The following MACF1 variants were observed in gnomAD, a reference collection of about 807,000 sequenced individuals.
MACF1 encodes the protein microtubule-actin cross-linking factor 1.
MACF1 carries 193 observed loss-of-function variants against 854.8 expected under a neutral mutation model. The observed-to-expected ratio is 0.23, with a 90% CI of 0.20 to 0.25. The LOEUF is 0.25. Among genes scored for constraint, MACF1 ranks in the 10% least tolerant of loss-of-function variants. The pLI, the probability that MACF1 is intolerant of heterozygous loss-of-function variation, is 1.00. For synonymous variants in MACF1, 3,185 were observed against 3,226.7 expected (o/e 0.99, Z 0.44); for missense variants, 7,722 against 8,929.1 (o/e 0.86, Z 5.45).
intron 2 of MACF1, among the ~76,000 whole-genome samples, chr1:39,174,505 A>G (rs1643998972): frequency 6.6e-6 from 1 of 152,170 alleles, no homozygotes; most frequent in Non-Finnish European, 1.5e-5. Flanking sequence ...TAGAATGAAA[A>G]GGAAGCAGAC....
chr1:39,303,660 T>C (rs1439283428), intron 23 of MACF1, among the ~76,000 whole-genome samples: 3 of 148,142 alleles, frequency 2.0e-5, no homozygotes, highest in Non-Finnish European at 4.4e-5. Flanking sequence ...AAGACCAGCC[T>C]GGCCAACACG....
At chr1:39,357,086 T>A (rs528198833) in intron 44 of MACF1, among the ~76,000 whole-genome samples, 6 of 152,204 alleles carry the variant, frequency 3.9e-5, no homozygotes, top group Non-Finnish European at 7.3e-5. Flanking sequence ...TTCTAGCTTA[T>A]AGGTAGATGG....
intron 2 of MACF1, among the ~76,000 whole-genome samples, chr1:39,233,763 AC>A (rs1328265241): frequency 5.6e-5 from 7 of 124,934 alleles, no homozygotes; most frequent in Non-Finnish European, 1.0e-4. Context: ...TCTGTATGTT[AC>A]CTAGCCATAG....
intron 58 of MACF1, among the ~76,000 whole-genome samples, chr1:39,408,990 C>T (rs936550934): frequency 6.6e-6 from 1 of 151,970 alleles, no homozygotes; most frequent in Non-Finnish European, 1.5e-5. Context: ...GCGTCGCGCG[C>T]TCCCTGGCTT....
chr1:39,328,198 A>G (rs974863023), intron 36 of MACF1, among the ~76,000 whole-genome samples: 2 of 152,210 alleles, frequency 1.3e-5, no homozygotes, highest in African/African-American at 4.8e-5. Flanking sequence ...AAACCACAAG[A>G]CAAAACCAGC....
At chr1:39,359,087 A>T in intron 46 of MACF1, 54 bp from the exon 47 acceptor site, 2 of 1,606,294 alleles carry the variant, frequency 1.2e-6, no homozygotes, top group South Asian at 2.2e-5. Context: ...GGATTCCTAG[A>T]ATCATCTTTG....
intron 6 of MACF1, among the ~76,000 whole-genome samples, chr1:39,264,690 G>A (rs1323845481): frequency 2.3e-5 from 3 of 132,892 alleles, no homozygotes; most frequent in Admixed American, 8.5e-5. Flanking sequence ...TTTTTGAGAC[G>A]GAGTCTCGCT....
chr1:39,253,519 T>A lies in MACF1; in HGVS notation c.358-779T>A, dbSNP rs565152387. ...AAATCAGCTATCTGTATTTTTTTTT[T>A]TTTTTTTTTTTTGAGGTGGAGTCTC... is the stretch of plus-strand genomic sequence containing the variant. On this transcript the variant is annotated intron_variant, in intron 4 of 100. Transcript: ENST00000564288. Among the ~76,000 whole-genome samples, 761 of 146,594 alleles carry A rather than the reference T, an allele frequency of 5.2e-3. 5 individuals are homozygous for A. Among genetic ancestry groups the A allele is most frequent in the African/African-American group, 0.018 (724 of 39,902 alleles).
Position 39,324,202 on chromosome 1 carries a change from G to A in MACF1, c.4246G>A (p.Glu1416Lys), listed in dbSNP as rs1646567825. Residue 1416 changes from glutamate (E) to lysine (K), a missense_variant, in exon 34 of 101, where the codon GAA (glutamate) becomes AAA (lysine). Transcript: ENST00000564288. ...RRLEEEEKVV[E>K]EEKQEHVEKV... ...CTATTTCCTATTCTAGAAAGTGGTAGAAGAGGAGAAACAAGAACATGTGGA... is the reference window on the plus strand; with the variant it reads ...CTATTTCCTATTCTAGAAAGTGGTAAAAGAGGAGAAACAAGAACATGTGGA... 1.2e-6 allele frequency: 2 copies of A among 1,602,674 alleles called. No individual in the cohort carries two copies. The highest frequency in any genetic ancestry group is 1.3e-5 in the African/African-American group (1 of 74,090).
intron 2 of MACF1, among the ~76,000 whole-genome samples, chr1:39,123,441 C>T (rs1642772511): frequency 6.6e-6 from 1 of 151,870 alleles, no homozygotes; most frequent in South Asian, 2.1e-4. Context: ...CTGCTGACCT[C>T]AGATGATCCA....
intron 28 of MACF1, 109 bp from the exon 29 acceptor site, chr1:39,317,105 A>G (rs1646426274): frequency 8.9e-7 from 1 of 1,118,722 alleles, no homozygotes; most frequent in Non-Finnish European, 1.3e-6. Flanking sequence ...GCACAATCAC[A>G]TATACAATGT....
chr1:39,417,712 A>AT lies in MACF1; in HGVS notation c.15817-4662_15817-4661insT, dbSNP rs1643370130. ...CAGGAATGTGCCACCACACCCAGTT[A>AT]ATTTTTTTTTTTTTTTTTTTTTTTT... On this transcript the variant is annotated intron_variant, in intron 58 of 100. Transcript: ENST00000564288. 4.1e-4 allele frequency among the ~76,000 whole-genome samples: 28 copies of AT among 68,502 alleles called. 2 individuals are homozygous for AT. In the East Asian group the frequency reaches 5.0e-3, roughly 12 times the overall value. The allele number at this position is 68,502 out of a possible 152,430, so 44.9% of individuals were successfully genotyped here. A position where few individuals can be genotyped will look rare whatever the true frequency, so the allele number is the denominator to read the frequency against.
At chr1:39,100,177 G>C (rs1417705345) in intron 2 of MACF1, among the ~76,000 whole-genome samples, 1 of 152,192 alleles carries the variant, frequency 6.6e-6, no homozygotes, top group Non-Finnish European at 1.5e-5. Flanking sequence ...GTGTCAGTGA[G>C]CCAAGATTGT....
At chr1:39,179,187 A>G (rs1165022158) in intron 2 of MACF1, among the ~76,000 whole-genome samples, 2 of 151,930 alleles carry the variant, frequency 1.3e-5, no homozygotes, top group African/African-American at 4.8e-5. Context: ...CCACACACTT[A>G]TTTTCTGATG....
chr1:39,428,439 C>T (rs1025131697), intron 63 of MACF1, 152 bp downstream of exon 63: 1 of 737,284 alleles, frequency 1.4e-6, no homozygotes, highest in Non-Finnish European at 2.2e-6. Context: ...ATGCTGACTG[C>T]TAATCTGTTT....
chr1:39,261,137 T>C (rs1449128397), intron 6 of MACF1, among the ~76,000 whole-genome samples: 1 of 152,218 alleles, frequency 6.6e-6, no homozygotes, highest in Non-Finnish European at 1.5e-5. Context: ...AGATCATTTA[T>C]ATTGTTCCAA....
At chr1:39,234,285 G>A (rs1444628263) in intron 2 of MACF1, among the ~76,000 whole-genome samples, 4 of 151,980 alleles carry the variant, frequency 2.6e-5, no homozygotes, top group African/African-American at 7.2e-5. Context: ...ATCCTGGCCC[G>A]TTCTCAATGA....
At chr1:39,318,759 C>G (rs1057270647) in intron 30 of MACF1, 144 bp downstream of exon 30, 12 of 904,784 alleles carry the variant, frequency 1.3e-5, no homozygotes, top group Non-Finnish European at 1.9e-5. Flanking sequence ...TGAGCAGGAT[C>G]GTCCCAAGAT....
Position 39,310,951 on chromosome 1 carries a change from C to G in MACF1, c.3221C>G (p.Thr1074Ser), listed in dbSNP as rs368579432. 2 of 1,614,032 alleles carry G rather than the reference C, an allele frequency of 1.2e-6. No homozygotes were observed. Among genetic ancestry groups the G allele is most frequent in the African/African-American group, 2.7e-5 (2 of 74,912 alleles). ...ATTCAGTCTCTAGCCAGCTCTAGGA[C>G]TGACAGAGATGCCTGGCAGGACAAT... ...KRIQSLASSRTDRDAWQDNAL... is the reference protein window; with the variant it reads ...KRIQSLASSRSDRDAWQDNAL... The change falls in exon 26 of 101, where the codon ACT becomes AGT. Residue 1074 changes from threonine to serine, a missense_variant. Coordinates refer to ENST00000564288, the MANE Select transcript of MACF1 (RefSeq NM_001394062.1).
Sources: allele counts gnomAD v4.1 joint callset (sites outside exome capture counted in the v4.1 genomes callset), GRCh38; gene constraint gnomAD v4.1.1; transcripts MANE v1.5; gene names NCBI Gene and HGNC (gene_info 2026-07-23, HGNC 2026-07-21).